Variants in KCTD16 observed in about 807,000 individuals in gnomAD.
KCTD16 encodes the protein BTB/POZ domain-containing protein KCTD16.
KCTD16 carries 13 observed loss-of-function variants against 33.2 expected under a neutral mutation model. The ratio of observed to expected loss-of-function variants is 0.39; its 90% CI spans 0.25 to 0.62. The LOEUF is 0.62. Ranked by LOEUF, KCTD16 falls within the 20% of genes least tolerant of loss-of-function variation. The pLI, the probability that KCTD16 is intolerant of heterozygous loss-of-function variation, is 0.50. For synonymous variants in KCTD16, 197 were observed against 195.3 expected (o/e 1.01, Z -0.07); for missense variants, 441 against 525.1 (o/e 0.84, Z 1.57).
chr5:144,206,590 A>C lies in KCTD16; in HGVS notation c.-125A>C. ...CTTGGGGGAAAAATACTGGGATAAG[A>C]GGAGGTCATTTTTTAATAAGTTAGC... On this transcript the variant is annotated 5_prime_UTR_variant, in exon 3 of 4. Coordinates refer to ENST00000512467, the MANE Select transcript of KCTD16 (RefSeq NM_020768.4). 1 of 776,548 alleles carries C rather than the reference A, an allele frequency of 1.3e-6. No individual in the cohort carries two copies. 48.1% of individuals were successfully genotyped at this position (776,548 alleles called of 1,614,324 possible). A position where few individuals can be genotyped will look rare whatever the true frequency, so the allele number is the denominator to read the frequency against.
At chr5:144,439,296 C>CTGAATTGAA in intron 3 of KCTD16, 1 of 459,472 alleles carries the variant, frequency 2.2e-6, no homozygotes, top group East Asian at 6.0e-5. Context: ...CATAGCCAAG[C>CTGAATTGAA]TGGTCCCTAA....
chr5:144,303,283 G>T (rs1330481420), intron 3 of KCTD16, among the ~76,000 whole-genome samples: 1 of 152,170 alleles, frequency 6.6e-6, no homozygotes, highest in Non-Finnish European at 1.5e-5. Flanking sequence ...CTATGTTTCA[G>T]CTGACTCTTA....
chr5:144,360,481 G>T (rs571923835), intron 3 of KCTD16, among the ~76,000 whole-genome samples: 1 of 151,774 alleles, frequency 6.6e-6, no homozygotes, highest in Admixed American at 6.6e-5. Flanking sequence ...GCCCAGGCTG[G>T]AGTGCAGTGG....
intron 3 of KCTD16, among the ~76,000 whole-genome samples, chr5:144,316,935 C>T (rs993102661): frequency 6.8e-6 from 1 of 146,610 alleles, no homozygotes; most frequent in Non-Finnish European, 1.5e-5. Flanking sequence ...TCAAGTGATT[C>T]TCCTGTCTCA....
chr5:144,391,311 T>C (rs542904826), intron 3 of KCTD16, among the ~76,000 whole-genome samples: 51 of 152,342 alleles, frequency 3.3e-4, no homozygotes, highest in Admixed American at 9.8e-4. Flanking sequence ...CTTAGAGATA[T>C]GGGGAAGTGA....
chr5:144,292,163 A>G (rs1755911559), intron 3 of KCTD16, among the ~76,000 whole-genome samples: 1 of 152,218 alleles, frequency 6.6e-6, no homozygotes, highest in Non-Finnish European at 1.5e-5. Context: ...ACTTAAGAGC[A>G]CTTTTGTTTT....
rs745350480 is a variant in KCTD16, at chr5:144,473,926, C to T, written c.1099C>T (p.Arg367Trp). ...SEMRRKSDLL[R>W]TLTSGSRESN... ...GATGCGGCGGAAAAGCGACTTACTC[C>T]GGACTCTGACTTCAGGCTCCAGGGA... The change falls in exon 4 of 4, where the codon CGG becomes TGG. Residue 367 changes from arginine (R) to tryptophan (W), a missense_variant. Arg to Trp is a moderately radical substitution (Grantham distance 101). Transcript: ENST00000512467. 10 of 1,613,960 alleles carry T rather than the reference C, an allele frequency of 6.2e-6. No individual in the cohort carries two copies. Among genetic ancestry groups the T allele is most frequent in the East Asian group, 4.5e-5 (2 of 44,828 alleles).
intron 3 of KCTD16, among the ~76,000 whole-genome samples, chr5:144,336,790 G>T (rs1752503993): frequency 6.6e-6 from 1 of 151,834 alleles, no homozygotes; most frequent in Admixed American, 6.6e-5. Flanking sequence ...TTTGAAACCT[G>T]ACCTGCTTAC....
chr5:144,249,412 T>C (rs1233887860), intron 3 of KCTD16, among the ~76,000 whole-genome samples: 3 of 152,152 alleles, frequency 2.0e-5, no homozygotes, highest in African/African-American at 7.2e-5. Context: ...ATTCATTGAT[T>C]GTCTCCTTCC....
At chr5:144,280,827 T>C (rs1755581976) in intron 3 of KCTD16, among the ~76,000 whole-genome samples, 1 of 151,760 alleles carries the variant, frequency 6.6e-6, no homozygotes, top group Non-Finnish European at 1.5e-5. Context: ...CTCGGGAGGC[T>C]GAGGCAGGAG....
At chr5:144,205,679 T>C (rs1039778124) in intron 2 of KCTD16, 2 of 398,284 alleles carry the variant, frequency 5.0e-6, no homozygotes, top group East Asian at 7.1e-5. Context: ...AAGATTTCTT[T>C]TTCCATTTTT....
intron 3 of KCTD16, among the ~76,000 whole-genome samples, chr5:144,322,756 C>A (rs145249281): frequency 9.9e-4 from 150 of 150,986 alleles, no homozygotes; most frequent in African/African-American, 3.6e-3. Context: ...AACTTCTGAA[C>A]TCATGAGCTT....
intron 3 of KCTD16, among the ~76,000 whole-genome samples, chr5:144,293,796 T>C (rs2126864197): frequency 6.6e-6 from 1 of 152,350 alleles, no homozygotes; most frequent in South Asian, 2.1e-4. Flanking sequence ...ATTTTGCATA[T>C]AATGTTGAAT....
chr5:144,311,230 A>G (rs1751760941), intron 3 of KCTD16, among the ~76,000 whole-genome samples: 1 of 152,200 alleles, frequency 6.6e-6, no homozygotes, highest in Non-Finnish European at 1.5e-5. Flanking sequence ...ACATGTATAC[A>G]TATGTAACAA....
chr5:144,319,452 T>G (rs911253962), intron 3 of KCTD16, among the ~76,000 whole-genome samples: 1 of 152,228 alleles, frequency 6.6e-6, no homozygotes, highest in African/African-American at 2.4e-5. Context: ...GTTAAAAATA[T>G]TCCAACATGT....
intron 3 of KCTD16, among the ~76,000 whole-genome samples, chr5:144,461,068 G>C (rs559847202): frequency 6.6e-6 from 1 of 152,238 alleles, no homozygotes; most frequent in Non-Finnish European, 1.5e-5. Context: ...TGAAAGTCAA[G>C]ATTAGCACAA....
intron 3 of KCTD16, among the ~76,000 whole-genome samples, chr5:144,443,147 G>A (rs926913233): frequency 4.6e-5 from 7 of 152,186 alleles, no homozygotes; most frequent in South Asian, 2.1e-4. Context: ...CCTTACTTGC[G>A]TGAAACTGGA....
At chr5:144,282,481 A>G (rs757785552) in intron 3 of KCTD16, among the ~76,000 whole-genome samples, 2 of 152,176 alleles carry the variant, frequency 1.3e-5, no homozygotes, top group African/African-American at 4.8e-5. Context: ...CATATTAATC[A>G]TATCCAAGGA....
At chr5:144,467,320 C>A (rs1045421687) in intron 3 of KCTD16, among the ~76,000 whole-genome samples, 11 of 151,788 alleles carry the variant, frequency 7.2e-5, no homozygotes, top group Non-Finnish European at 1.6e-4. Flanking sequence ...TACTCTGTCA[C>A]ACACACATTC....
Sources: allele counts gnomAD v4.1 joint callset (sites outside exome capture counted in the v4.1 genomes callset), GRCh38; gene constraint gnomAD v4.1.1; transcripts MANE v1.5; gene names NCBI Gene and HGNC (gene_info 2026-07-23, HGNC 2026-07-21).